The following GRIA4 variants were observed in gnomAD, a reference collection of about 807,000 sequenced individuals.
GRIA4 encodes glutamate ionotropic receptor AMPA type subunit 4.
Under a neutral mutation model 104.0 loss-of-function variants are expected in GRIA4, and 34 were observed. The ratio of observed to expected loss-of-function variants is 0.33; its 90% CI spans 0.25 to 0.44. GRIA4 has a LOEUF of 0.44. Ranked by LOEUF, GRIA4 falls within the 20% of genes least tolerant of loss-of-function variation. The pLI, the probability that GRIA4 is intolerant of heterozygous loss-of-function variation, is 1.00. For synonymous variants in GRIA4, 386 were observed against 381.9 expected (o/e 1.01, Z -0.13); for missense variants, 750 against 1,096.5 (o/e 0.68, Z 4.46).
chr11:105,848,752 A>G (rs1944686566), intron 4 of GRIA4, among the ~76,000 whole-genome samples: 1 of 152,228 alleles, frequency 6.6e-6, no homozygotes, highest in African/African-American at 2.4e-5. Context: ...ATGGTGCCCC[A>G]TCTCAGAGGT....
At chr11:105,961,597 G>C (rs1272413397) in intron 14 of GRIA4, among the ~76,000 whole-genome samples, 2 of 152,040 alleles carry the variant, frequency 1.3e-5, no homozygotes, top group Non-Finnish European at 2.9e-5. Flanking sequence ...TGGATTTTTT[G>C]AATATTTGCG....
At chr11:105,745,389 C>T (rs973232526) in intron 3 of GRIA4, among the ~76,000 whole-genome samples, 2 of 152,150 alleles carry the variant, frequency 1.3e-5, no homozygotes, top group Admixed American at 1.3e-4. Context: ...ACTTGAGCCA[C>T]TTTGCCAAAC....
intron 3 of GRIA4, among the ~76,000 whole-genome samples, chr11:105,624,683 A>C (rs1001694563): frequency 7.9e-5 from 12 of 152,108 alleles, no homozygotes; most frequent in Non-Finnish European, 1.5e-4. Context: ...TTTGTTCCAA[A>C]AATTTAACAT....
chr11:105,963,281 A>C (rs546868829), intron 14 of GRIA4, among the ~76,000 whole-genome samples: 1 of 152,276 alleles, frequency 6.6e-6, no homozygotes, highest in Admixed American at 6.5e-5. Context: ...GAAGTGATTC[A>C]TTCTATAAAA....
At chr11:105,807,845 C>CT (rs995125719) in intron 4 of GRIA4, among the ~76,000 whole-genome samples, 8 of 151,808 alleles carry the variant, frequency 5.3e-5, no homozygotes, top group African/African-American at 1.9e-4. Flanking sequence ...CTCACATTGT[C>CT]TGCCCTTTGC....
At position 105,924,391 on chromosome 11, in the gene GRIA4, T is replaced by C. The variant is rs1452022111; in HGVS notation, c.1477-8T>C. ...CCTATGTGTCTCCATGTGTTTTTTC[T>C]CTTATAGAAAGCAGAGATTGCTATT... On this transcript the variant is annotated splice_polypyrimidine_tract_variant and splice_region_variant and intron_variant, in intron 11 of 16. Transcript: ENST00000282499. The C allele has an allele frequency of 6.4e-7, 1 of 1,569,676 alleles. No individual in the cohort carries two copies. Among genetic ancestry groups the C allele is most frequent in the Non-Finnish European group, 8.7e-7 (1 of 1,154,806 alleles).
At chr11:105,687,180 G>T (rs1025040968) in intron 3 of GRIA4, among the ~76,000 whole-genome samples, 1 of 152,118 alleles carries the variant, frequency 6.6e-6, no homozygotes, top group Non-Finnish European at 1.5e-5. Context: ...TAAAAAAGAA[G>T]AATTTGAGAA....
chr11:105,846,138 A>G (rs898379731), intron 4 of GRIA4, among the ~76,000 whole-genome samples: 4 of 152,182 alleles, frequency 2.6e-5, no homozygotes, highest in Admixed American at 6.5e-5. Flanking sequence ...TCCTGACCTA[A>G]CAATATTTAA....
chr11:105,712,331 T>C, intron 3 of GRIA4, among the ~76,000 whole-genome samples: 1 of 152,032 alleles, frequency 6.6e-6, no homozygotes, highest in Non-Finnish European at 1.5e-5. Context: ...TCTCTGTGTA[T>C]AAAAAGAGAA....
chr11:105,685,873 G>A (rs1469056135), intron 3 of GRIA4, among the ~76,000 whole-genome samples: 2 of 152,000 alleles, frequency 1.3e-5, no homozygotes, highest in South Asian at 2.1e-4. Context: ...AAGTGAATAC[G>A]TTTGAAATCT....
chr11:105,964,062 C>A (rs481203), intron 14 of GRIA4, among the ~76,000 whole-genome samples: 1 of 152,176 alleles, frequency 6.6e-6, no homozygotes, highest in African/African-American at 2.4e-5. Flanking sequence ...TAGTTCCTCA[C>A]AGACACAAAA....
intron 3 of GRIA4, among the ~76,000 whole-genome samples, chr11:105,669,258 C>T (rs1428166155): frequency 6.6e-6 from 1 of 151,856 alleles, no homozygotes; most frequent in South Asian, 2.1e-4. Flanking sequence ...CAGCTTTACA[C>T]CAGTCTCTCT....
At chr11:105,955,353 T>A (rs889953044) in intron 14 of GRIA4, among the ~76,000 whole-genome samples, 2 of 152,116 alleles carry the variant, frequency 1.3e-5, no homozygotes, top group Non-Finnish European at 2.9e-5. Flanking sequence ...CTCCCACTTA[T>A]ATGAGTGAGA....
chr11:105,687,899 T>C (rs949506951), intron 3 of GRIA4, among the ~76,000 whole-genome samples: 3 of 152,210 alleles, frequency 2.0e-5, no homozygotes, highest in African/African-American at 7.2e-5. Flanking sequence ...GGCATGATTA[T>C]CAATTTTATT....
chr11:105,722,276 G>A (rs980925390), intron 3 of GRIA4, among the ~76,000 whole-genome samples: 5 of 152,114 alleles, frequency 3.3e-5, no homozygotes, highest in African/African-American at 1.2e-4. Context: ...AACTTATGAT[G>A]TTTGTGAATT....
intron 14 of GRIA4, among the ~76,000 whole-genome samples, chr11:105,962,541 G>A (rs1002380767): frequency 6.6e-6 from 1 of 152,126 alleles, no homozygotes; most frequent in African/African-American, 2.4e-5. Context: ...ACTTTTGGAA[G>A]TTTTTCAGAA....
intron 3 of GRIA4, among the ~76,000 whole-genome samples, chr11:105,646,624 T>C (rs1309316332): frequency 1.3e-5 from 2 of 152,082 alleles, no homozygotes; most frequent in Admixed American, 6.6e-5. Context: ...ATAGAGAACT[T>C]AGAAATAAGA....
At chr11:105,838,077 G>A (rs546393296) in intron 4 of GRIA4, among the ~76,000 whole-genome samples, 2 of 152,092 alleles carry the variant, frequency 1.3e-5, no homozygotes, top group South Asian at 4.2e-4. Flanking sequence ...TAAAAAGCTG[G>A]TTACAATGCT....
intron 3 of GRIA4, among the ~76,000 whole-genome samples, chr11:105,679,438 T>A (rs2135460871): frequency 6.6e-6 from 1 of 152,240 alleles, no homozygotes; most frequent in South Asian, 2.1e-4. Flanking sequence ...ATGCATTTCC[T>A]TAAACCATAT....
Sources: gnomAD v4.1 joint callset for allele counts (sites outside exome capture counted in the v4.1 genomes callset) on GRCh38, gnomAD v4.1.1 for gene constraint, MANE v1.5 for transcripts, NCBI Gene and HGNC (gene_info 2026-07-23, HGNC 2026-07-21) for gene names.